The following DNAJB11 variants were observed in gnomAD, a reference collection of about 807,000 sequenced individuals.
DNAJB11 encodes dnaJ homolog subfamily B member 11.
DNAJB11 carries 30 observed loss-of-function variants against 47.2 expected under a neutral mutation model. The observed-to-expected ratio is 0.64, with a 90% CI of 0.48 to 0.86. The LOEUF is 0.86. Ranked by LOEUF, DNAJB11 falls within the 40% of genes least tolerant of loss-of-function variation. The pLI is 0.00. For missense variants in DNAJB11, 357 were observed against 440.2 expected, an observed-to-expected ratio of 0.81 and a Z score of 1.69; for synonymous variants, 151 against 159.9, an observed-to-expected ratio of 0.94 and a Z score of 0.42.
At position 186,582,707 on chromosome 3, in the gene DNAJB11, T is replaced by C; in HGVS notation, c.683-9T>C. The C allele has an allele frequency of 6.3e-7, 1 of 1,586,658 alleles. No individual in the cohort carries two copies. The highest frequency in any genetic ancestry group is 1.8e-5 in the Admixed American group (1 of 56,324). ...TGATTTACAATATGCTGTAATCTGCTCTGACTAGGTGAGCCTCACGTGGAT... is the reference window on the plus strand; with the variant it reads ...TGATTTACAATATGCTGTAATCTGCCCTGACTAGGTGAGCCTCACGTGGAT... On this transcript the variant is annotated splice_polypyrimidine_tract_variant and intron_variant, in intron 6 of 9. Coordinates refer to ENST00000265028, the MANE Select transcript of DNAJB11 (RefSeq NM_016306.6).
rs770162996 is a variant in DNAJB11 at position 186,583,896 on chromosome 3, T to C, written c.772T>C (p.Leu258=). ...HPIFERRGDD[L]YTNVTISLVE... ...AATATTTGAAAGGAGAGGAGATGAT[T>C]TGTACACAAATGTGACAATCTCATT... is the stretch of plus-strand genomic sequence containing the variant. The change falls in exon 8 of 10, where the codon TTG becomes CTG. Residue 258 remains leucine, a synonymous_variant. Transcript: ENST00000265028. 4 of 1,612,324 alleles carry C rather than the reference T, an allele frequency of 2.5e-6. No individual in the cohort carries two copies. The highest frequency in any genetic ancestry group is 3.4e-6 in the Non-Finnish European group (4 of 1,178,414).
At position 186,585,358 on chromosome 3, in the gene DNAJB11, C is replaced by T. The variant is rs762688470; in HGVS notation, c.1027C>T (p.Leu343=). 1 of 1,611,716 alleles carries T rather than the reference C, an allele frequency of 6.2e-7. No homozygotes were observed. The highest frequency in any genetic ancestry group is 8.5e-7 in the Non-Finnish European group (1 of 1,179,044). Residue 343 remains leucine (L), a synonymous_variant, in exon 10 of 10, where the codon CTG becomes TTG. Transcript: ENST00000265028. ...TCTTTCTTCAGGTATCAAACAGCTA[C>T]TGAAACAAGGGTCAGTGCAGAAGGT... ...EEAREGIKQL[L]KQGSVQKVYN... is the part of the protein sequence containing the mutation.
At chr3:186,584,328 T>G in intron 8 of DNAJB11, 102 bp from the exon 9 acceptor site, 4 of 1,188,212 alleles carry the variant, frequency 3.4e-6, no homozygotes, top group Non-Finnish European at 3.4e-6. Context: ...TTCTTTTTGC[T>G]GAGCTGTGAC....
intron 2 of DNAJB11, among the ~76,000 whole-genome samples, chr3:186,573,585 C>T (rs1358068113): frequency 1.3e-5 from 2 of 152,042 alleles, no homozygotes; most frequent in African/African-American, 4.8e-5. Context: ...CAGGGTTTCA[C>T]TGTGTTACCC....
At chr3:186,581,826 A>G (rs1715495760) in intron 5 of DNAJB11, among the ~76,000 whole-genome samples, 169 bp from the exon 6 acceptor site, 1 of 152,156 alleles carries the variant, frequency 6.6e-6, no homozygotes, top group South Asian at 2.1e-4. Flanking sequence ...TTCACCCTGG[A>G]TTTTAGCATA....
chr3:186,584,602 A>AGT lies in DNAJB11; in HGVS notation c.1012+32_1012+33dup, dbSNP rs1553850800. The AGT allele has an allele frequency of 3.4e-6, 5 of 1,470,284 alleles. No individual in the cohort carries two copies. Among genetic ancestry groups the AGT allele is most frequent in the African/African-American group, 1.5e-5 (1 of 66,414 alleles). The allele number at this position is 1,470,284 out of a possible 1,614,324, so 91.1% of individuals were successfully genotyped here. On this transcript the variant is annotated intron_variant, in intron 9 of 9. Transcript: ENST00000265028. ...GAAGCGAGAGAAGGTATGGCATATTAGTGTGTGTGTGTGTGTGTGTTTGTG... is the reference window on the plus strand; with the variant it reads ...GAAGCGAGAGAAGGTATGGCATATTAGTGTGTGTGTGTGTGTGTGTGTTTGTG...
chr3:186,576,928 T>C (rs1320859940), intron 3 of DNAJB11, among the ~76,000 whole-genome samples: 2 of 152,190 alleles, frequency 1.3e-5, no homozygotes, highest in African/African-American at 2.4e-5. Context: ...TATATAGTTA[T>C]CATCTTCGCT....
Position 186,584,605 on chromosome 3 carries a change from G to T in DNAJB11, c.1012+16G>T, listed in dbSNP as rs754837057. 2.0e-6 allele frequency: 3 copies of T among 1,501,464 alleles called. No individual in the cohort carries two copies. The highest frequency in any genetic ancestry group is 2.6e-6 in the Non-Finnish European group (3 of 1,132,180). 93.0% of individuals were successfully genotyped at this position (1,501,464 alleles called of 1,614,324 possible). A position where few individuals can be genotyped will look rare whatever the true frequency, so the allele number is the denominator to read the frequency against. ...GCGAGAGAAGGTATGGCATATTAGT[G>T]TGTGTGTGTGTGTGTGTTTGTGTGT... On this transcript the variant is annotated intron_variant, in intron 9 of 9. Coordinates refer to ENST00000265028, the MANE Select transcript of DNAJB11 (RefSeq NM_016306.6).
At chr3:186,576,499 T>C (rs992006973) in intron 3 of DNAJB11, among the ~76,000 whole-genome samples, 4 of 152,196 alleles carry the variant, frequency 2.6e-5, no homozygotes, top group Non-Finnish European at 5.9e-5. Context: ...TCCCTGATGA[T>C]TACATATACT....
At chr3:186,571,685 GTTAT>G (rs1385180312) in intron 1 of DNAJB11, among the ~76,000 whole-genome samples, 3 of 152,200 alleles carry the variant, frequency 2.0e-5, no homozygotes, top group Non-Finnish European at 4.4e-5. Context: ...CTTTGAGAGT[GTTAT>G]TTGACTTTTA....
chr3:186,580,736 T>C (rs1479990984), intron 4 of DNAJB11: 1 of 152,244 alleles, frequency 6.6e-6, no homozygotes, highest in Non-Finnish European at 1.5e-5. Context: ...TGTTTGACTA[T>C]TTAAACAGGC....
chr3:186,577,874 A>G, intron 4 of DNAJB11, 74 bp downstream of exon 4: 3 of 1,291,302 alleles, frequency 2.3e-6, no homozygotes, highest in Non-Finnish European at 3.2e-6. Flanking sequence ...AGAGGTTTAT[A>G]TGTACCTTCT....
At chr3:186,575,996 A>C (rs1715278765) in intron 3 of DNAJB11, 59 bp downstream of exon 3, 1 of 1,256,262 alleles carries the variant, frequency 8.0e-7, no homozygotes, top group African/African-American at 1.5e-5. Flanking sequence ...CTTAGCGATT[A>C]AAGAATTATT....
intron 7 of DNAJB11, 137 bp from the exon 8 acceptor site, chr3:186,583,728 T>C: frequency 1.5e-6 from 1 of 646,994 alleles, no homozygotes; most frequent in Non-Finnish European, 2.7e-6. Context: ...TATTCTCGAT[T>C]AATACTACAC....
rs77488096 is a variant in DNAJB11, at chr3:186,582,946, C to T, written c.740+173C>T. ...GGGGTTGGGCCCTAGGATTGAGCCCCAGTTATTTATTTACTTAGGACTTAA... is the reference window on the plus strand; with the variant it reads ...GGGGTTGGGCCCTAGGATTGAGCCCTAGTTATTTATTTACTTAGGACTTAA... On this transcript the variant is annotated intron_variant, in intron 7 of 9. Transcript: ENST00000265028. Among the ~76,000 whole-genome samples the T allele has an allele frequency of 3.9e-3, 584 of 151,682 alleles. 5 individuals carry two copies. Among genetic ancestry groups the T allele is most frequent in the African/African-American group, 0.014 (565 of 41,028 alleles).
At chr3:186,581,909 G>A in intron 5 of DNAJB11, 86 bp from the exon 6 acceptor site, 6 of 1,150,694 alleles carry the variant, frequency 5.2e-6, no homozygotes, top group Admixed American at 4.8e-5. Context: ...AAAAAGCTCT[G>A]ATAAAATAGG....
At chr3:186,572,337 A>T in intron 2 of DNAJB11, 86 bp downstream of exon 2, 1 of 1,208,914 alleles carries the variant, frequency 8.3e-7, no homozygotes, top group Non-Finnish European at 1.1e-6. Flanking sequence ...CTTTCAGCTC[A>T]CATTTATTTA....
chr3:186,585,127 G>A (rs1715639651), intron 9 of DNAJB11, among the ~76,000 whole-genome samples: 1 of 152,202 alleles, frequency 6.6e-6, no homozygotes, highest in Admixed American at 6.5e-5. Context: ...GGACATGTAT[G>A]TGGTATGTGG....
At chr3:186,585,185 G>A (rs139798431) in intron 9 of DNAJB11, among the ~76,000 whole-genome samples, 159 bp from the exon 10 acceptor site, 220 of 152,250 alleles carry the variant, frequency 1.4e-3, no homozygotes, top group African/African-American at 5.0e-3. Context: ...CATGTGTGGG[G>A]TTACCTACAT....
Sources: gnomAD v4.1 joint callset for allele counts (sites outside exome capture counted in the v4.1 genomes callset) on GRCh38, gnomAD v4.1.1 for gene constraint, MANE v1.5 for transcripts, NCBI Gene and HGNC (gene_info 2026-07-23, HGNC 2026-07-21) for gene names.